Variants in NXPH1 observed in about 807,000 individuals in gnomAD.
NXPH1 encodes neurexophilin 1.
In NXPH1, 5 loss-of-function variants were observed where a neutral mutation model predicts 23.7. The observed-to-expected ratio is 0.21, with a 90% CI of 0.11 to 0.44. The LOEUF (loss-of-function observed/expected upper bound fraction) is 0.44, where lower values mean the gene tolerates loss of function less well. Ranked by LOEUF, NXPH1 falls within the 20% of genes least tolerant of loss-of-function variation. The probability of loss-of-function intolerance (pLI) is 0.99; values close to 1 mark genes in which losing one functional copy is unlikely to be tolerated. For missense variants in NXPH1, 324 were observed against 321.6 expected (o/e 1.01, Z -0.06); for synonymous variants, 144 against 122.2 (o/e 1.18, Z -1.18).
intron 2 of NXPH1, among the ~76,000 whole-genome samples, chr7:8,441,083 A>G (rs757923697): frequency 6.6e-6 from 1 of 152,092 alleles, no homozygotes; most frequent in Non-Finnish European, 1.5e-5. Context: ...GATTCAGGAA[A>G]GCTCCTCTTG....
intron 2 of NXPH1, among the ~76,000 whole-genome samples, chr7:8,688,561 T>C (rs1388961600): frequency 1.3e-5 from 2 of 152,196 alleles, no homozygotes; most frequent in Non-Finnish European, 2.9e-5. Flanking sequence ...TACAGGTCAT[T>C]GATCTGTTGC....
At position 8,615,991 on chromosome 7, in the gene NXPH1, G is replaced by A. The variant is rs140136684; in HGVS notation, c.55-135017G>A. 3.5e-3 allele frequency among the ~76,000 whole-genome samples: 539 copies of A among 152,112 alleles called. 4 individuals are homozygous for A. Among genetic ancestry groups the A allele is most frequent in the African/African-American group, 0.012 (497 of 41,500 alleles). On this transcript the variant is annotated intron_variant, in intron 2 of 2. Transcript: ENST00000405863. ...GTTATCTTCTTAAAGCTTATTCTCC[G>A]CATAGCAGCCAGAGTGACCACATTA...
At position 8,670,915 on chromosome 7, in the gene NXPH1, G is replaced by C. The variant is rs1583223671; in HGVS notation, c.55-80093G>C. On this transcript the variant is annotated intron_variant, in intron 2 of 2. Coordinates refer to ENST00000405863, the MANE Select transcript of NXPH1 (RefSeq NM_152745.3). ...TTGAAATCCATACACAGTGTATTAGGTAATATCTAAGCTGATAGCACCTCT... is the reference window on the plus strand; with the variant it reads ...TTGAAATCCATACACAGTGTATTAGCTAATATCTAAGCTGATAGCACCTCT... Among the ~76,000 whole-genome samples the C allele has an allele frequency of 3.9e-5, 6 of 152,196 alleles. No individual in the cohort carries two copies. In the South Asian group the frequency reaches 1.2e-3, roughly 32 times the overall value.
chr7:8,607,277 G>C (rs1420541965), intron 2 of NXPH1, among the ~76,000 whole-genome samples: 2 of 151,922 alleles, frequency 1.3e-5, no homozygotes, highest in African/African-American at 4.8e-5. Context: ...ACATGCTCTG[G>C]GTGATTTTGC....
intron 2 of NXPH1, among the ~76,000 whole-genome samples, chr7:8,579,363 G>T (rs1373499834): frequency 2.6e-5 from 3 of 113,852 alleles, no homozygotes; most frequent in South Asian, 2.6e-4. Flanking sequence ...AGTTTTTTTT[G>T]TTTTTTTTTT....
chr7:8,490,030 G>A (rs1002765334), intron 2 of NXPH1, among the ~76,000 whole-genome samples: 4 of 152,024 alleles, frequency 2.6e-5, no homozygotes, highest in African/African-American at 9.7e-5. Context: ...AGAGGCTATT[G>A]TATTCCTGAG....
At chr7:8,597,013 A>G (rs1819240779) in intron 2 of NXPH1, among the ~76,000 whole-genome samples, 2 of 152,112 alleles carry the variant, frequency 1.3e-5, no homozygotes, top group Admixed American at 6.6e-5. Context: ...AGTCAGTGAC[A>G]CCTTGGTAAA....
chr7:8,500,584 A>G (rs1220518413), intron 2 of NXPH1, among the ~76,000 whole-genome samples: 3 of 152,002 alleles, frequency 2.0e-5, no homozygotes, highest in Admixed American at 1.3e-4. Flanking sequence ...TTATTTCCAA[A>G]CACAAGACTC....
At chr7:8,655,359 T>G (rs1262752282) in intron 2 of NXPH1, among the ~76,000 whole-genome samples, 1 of 151,622 alleles carries the variant, frequency 6.6e-6, no homozygotes, top group Non-Finnish European at 1.5e-5. Context: ...CACTCCAGCC[T>G]GGGTGACAAA....
chr7:8,653,283 A>G (rs1355322240), intron 2 of NXPH1, among the ~76,000 whole-genome samples: 1 of 152,220 alleles, frequency 6.6e-6, no homozygotes, highest in South Asian at 2.1e-4. Context: ...GAGTTACAGT[A>G]CAGTTTCATC....
At chr7:8,484,803 G>A (rs1817131043) in intron 2 of NXPH1, among the ~76,000 whole-genome samples, 1 of 152,100 alleles carries the variant, frequency 6.6e-6, no homozygotes, top group Admixed American at 6.6e-5. Flanking sequence ...GCATTATTCA[G>A]TAATGGATCA....
At chr7:8,478,498 A>T (rs1471325629) in intron 2 of NXPH1, among the ~76,000 whole-genome samples, 1 of 152,096 alleles carries the variant, frequency 6.6e-6, no homozygotes, top group African/African-American at 2.4e-5. Context: ...TCAAAAAGAA[A>T]TGAAGAAGTA....
chr7:8,501,470 A>G (rs950920949), intron 2 of NXPH1, among the ~76,000 whole-genome samples: 1 of 152,098 alleles, frequency 6.6e-6, no homozygotes, highest in East Asian at 1.9e-4. Flanking sequence ...GGGAATCCAT[A>G]TGTCTTATGA....
chr7:8,590,180 C>T (rs1178585360), intron 2 of NXPH1, among the ~76,000 whole-genome samples: 1 of 152,058 alleles, frequency 6.6e-6, no homozygotes, highest in Non-Finnish European at 1.5e-5. Context: ...CATTTGGGGG[C>T]AAGCATCTAG....
At chr7:8,546,616 A>C (rs1818200959) in intron 2 of NXPH1, among the ~76,000 whole-genome samples, 1 of 151,296 alleles carries the variant, frequency 6.6e-6, no homozygotes, top group Admixed American at 6.6e-5. Context: ...AAAGTTCTCA[A>C]ACCACTAACT....
intron 2 of NXPH1, among the ~76,000 whole-genome samples, chr7:8,687,258 C>CT (rs1169646121): frequency 1.3e-5 from 2 of 152,022 alleles, no homozygotes; most frequent in Non-Finnish European, 2.9e-5. Flanking sequence ...GGATTGGGCA[C>CT]TGCCTGAGTG....
intron 2 of NXPH1, among the ~76,000 whole-genome samples, chr7:8,563,578 A>G (rs1367310302): frequency 6.6e-6 from 1 of 151,808 alleles, no homozygotes; most frequent in Non-Finnish European, 1.5e-5. Flanking sequence ...ATGAGCAATA[A>G]GGTGTGAAAA....
chr7:8,713,591 C>T (rs1353245609), intron 2 of NXPH1, among the ~76,000 whole-genome samples: 1 of 151,932 alleles, frequency 6.6e-6, no homozygotes, highest in East Asian at 1.9e-4. Context: ...ACCCGTCCTT[C>T]TTGGGAAGCC....
intron 2 of NXPH1, among the ~76,000 whole-genome samples, chr7:8,572,631 T>A (rs931573032): frequency 3.9e-5 from 6 of 152,028 alleles, no homozygotes; most frequent in Non-Finnish European, 8.8e-5. Context: ...CAGATGTGCT[T>A]GTAGTGAACA....
Sources: allele counts gnomAD v4.1 joint callset (sites outside exome capture counted in the v4.1 genomes callset), GRCh38; gene constraint gnomAD v4.1.1; transcripts MANE v1.5; gene names NCBI Gene and HGNC (gene_info 2026-07-23, HGNC 2026-07-21).